The following SEC31A variants were observed in gnomAD, a reference collection of about 807,000 sequenced individuals.
SEC31A encodes protein transport protein Sec31A.
In SEC31A, 70 loss-of-function variants were observed where a neutral mutation model predicts 151.0. The observed-to-expected ratio is 0.46, with a 90% CI of 0.38 to 0.57. The LOEUF (loss-of-function observed/expected upper bound fraction) is 0.57, where lower values mean the gene tolerates loss of function less well. SEC31A is among the 20% of genes least tolerant of loss of function. SEC31A has a pLI of 0.00. For missense variants in SEC31A, 1,330 were observed against 1,471.2 expected, an observed-to-expected ratio of 0.90 and a Z score of 1.57; for synonymous variants, 475 against 505.9, an observed-to-expected ratio of 0.94 and a Z score of 0.82.
intron 16 of SEC31A, among the ~76,000 whole-genome samples, chr4:82,855,799 G>GGA (rs1485243920): frequency 6.6e-6 from 1 of 152,138 alleles, no homozygotes; most frequent in Non-Finnish European, 1.5e-5. Context: ...GAGGGTGGGA[G>GGA]GAGAGAGAGA....
At chr4:82,866,110 GGAGGGAGGGAAAGAGAGACA>G (rs1049925612) in intron 10 of SEC31A, among the ~76,000 whole-genome samples, 10 of 151,620 alleles carry the variant, frequency 6.6e-5, no homozygotes, top group Admixed American at 2.6e-4. Flanking sequence ...AAGAAGGGAG[GGAGGGAGGGAAAGAGAGACA>G]GAGGGAGGGA....
intron 25 of SEC31A, among the ~76,000 whole-genome samples, 171 bp downstream of exon 25, chr4:82,824,384 T>C (rs1235002407): frequency 6.6e-6 from 1 of 152,108 alleles, no homozygotes; most frequent in Non-Finnish European, 1.5e-5. Context: ...TTTGTATTTG[T>C]AGTAGAGACG....
At chr4:82,869,030 T>G (rs1348072133) in intron 8 of SEC31A, among the ~76,000 whole-genome samples, 1 of 152,176 alleles carries the variant, frequency 6.6e-6, no homozygotes, top group Non-Finnish European at 1.5e-5. Context: ...ACGTCTTTGG[T>G]ATTTATTTTG....
intron 14 of SEC31A, among the ~76,000 whole-genome samples, chr4:82,859,979 A>G (rs1578269943): frequency 6.6e-6 from 1 of 152,182 alleles, no homozygotes; most frequent in Admixed American, 6.5e-5. Context: ...TTTTCAGTAG[A>G]GGTGGTGTTT....
chr4:82,824,109 T>G (rs1279868260), intron 25 of SEC31A, among the ~76,000 whole-genome samples: 7 of 152,232 alleles, frequency 4.6e-5, no homozygotes, highest in African/African-American at 7.2e-5. Flanking sequence ...ACTATGTAAG[T>G]GCTAGCTTTA....
intron 20 of SEC31A, among the ~76,000 whole-genome samples, chr4:82,847,606 C>T (rs1158805228): frequency 6.6e-6 from 1 of 152,050 alleles, no homozygotes; most frequent in East Asian, 1.9e-4. Context: ...AGCCATGCAA[C>T]GCTGAGAAAT....
intron 10 of SEC31A, among the ~76,000 whole-genome samples, chr4:82,865,122 T>G (rs1040430783): frequency 6.6e-5 from 10 of 152,204 alleles, no homozygotes; most frequent in Non-Finnish European, 1.0e-4. Context: ...TTAGGAAGAT[T>G]AATCTTGGAA....
chr4:82,853,337 C>G (rs1219809205), intron 18 of SEC31A, among the ~76,000 whole-genome samples: 1 of 152,148 alleles, frequency 6.6e-6, no homozygotes. Context: ...CCACCTATTT[C>G]CCCCAATAAA....
At chr4:82,895,298 T>G (rs1369706169), upstream of SEC31A, 1 of 152,014 alleles carries the variant, frequency 6.6e-6, no homozygotes, top group South Asian at 2.1e-4. Flanking sequence ...TGGCAAAACA[T>G]GGTCTCTACT....
intron 22 of SEC31A, among the ~76,000 whole-genome samples, chr4:82,832,714 A>G: frequency 6.6e-6 from 1 of 152,240 alleles, no homozygotes; most frequent in Non-Finnish European, 1.5e-5. Flanking sequence ...ACAAGAAAAA[A>G]GCAAACAACC....
At chr4:82,891,354 T>C, upstream of SEC31A, 5 of 641,954 alleles carry the variant, frequency 7.8e-6, no homozygotes, top group South Asian at 2.0e-5. Context: ...GGTGGCGCTC[T>C]GCGGTCATCG....
chr4:82,894,075 G>A (rs1009997645), upstream of SEC31A: 2 of 152,146 alleles, frequency 1.3e-5, no homozygotes, highest in African/African-American at 4.8e-5. Flanking sequence ...GAACTCTCTG[G>A]TCTTTCTCGG....
chr4:82,876,107 CTTTTTT>C (rs200156848), intron 4 of SEC31A, among the ~76,000 whole-genome samples: 64 of 127,188 alleles, frequency 5.0e-4, no homozygotes, highest in East Asian at 1.1e-3. Flanking sequence ...TGGATAAATT[CTTTTTT>C]TTTTTTTTTT....
upstream of SEC31A, among the ~76,000 whole-genome samples, chr4:82,892,548 A>G (rs1445567272): frequency 6.6e-6 from 1 of 152,146 alleles, no homozygotes; most frequent in Non-Finnish European, 1.5e-5. Context: ...TTGACCAATT[A>G]CCTCTTTTAA....
At chr4:82,880,624 C>T (rs1461746512) in intron 3 of SEC31A, 175 bp downstream of exon 3, 2 of 515,056 alleles carry the variant, frequency 3.9e-6, no homozygotes, top group Non-Finnish European at 6.5e-6. Flanking sequence ...CAATAGAACA[C>T]ATAAACACTA....
intron 26 of SEC31A, among the ~76,000 whole-genome samples, chr4:82,819,830 C>T (rs945704763): frequency 7.9e-5 from 12 of 151,728 alleles, no homozygotes; most frequent in African/African-American, 1.7e-4. Context: ...GGTGCGATCT[C>T]GACTCACTGC....
At chr4:82,860,371 T>G (rs1733843050) in intron 14 of SEC31A, among the ~76,000 whole-genome samples, 1 of 152,228 alleles carries the variant, frequency 6.6e-6, no homozygotes, top group Non-Finnish European at 1.5e-5. Flanking sequence ...CATGAGTGCA[T>G]TCCCAAATGA....
At chr4:82,821,197 T>A in intron 25 of SEC31A, 89 bp from the exon 26 acceptor site, 1 of 942,010 alleles carries the variant, frequency 1.1e-6, no homozygotes, top group Non-Finnish European at 1.7e-6. Context: ...ACCTTATACT[T>A]AAAATGTTGA....
At chr4:82,875,845 A>C (rs1376344545) in intron 4 of SEC31A, 23 bp from the exon 5 acceptor site, 23 of 1,300,064 alleles carry the variant, frequency 1.8e-5, no homozygotes, top group Non-Finnish European at 2.3e-5. Flanking sequence ...ACCATAACTA[A>C]ATAGCACTTA....
Sources: gnomAD v4.1 joint callset for allele counts (sites outside exome capture counted in the v4.1 genomes callset) on GRCh38, gnomAD v4.1.1 for gene constraint, MANE v1.5 for transcripts, NCBI Gene and HGNC (gene_info 2026-07-23, HGNC 2026-07-21) for gene names.